The following CBFB variants were observed in gnomAD, a reference collection of about 807,000 sequenced individuals.
The protein encoded by CBFB is core-binding factor subunit beta.
Under a neutral mutation model 30.4 loss-of-function variants are expected in CBFB, and 9 were observed. The observed-to-expected ratio is 0.30, with a 90% CI of 0.18 to 0.52. CBFB has a LOEUF of 0.52. Among genes scored for constraint, CBFB ranks in the 20% least tolerant of loss-of-function variants. The pLI, the probability that CBFB is intolerant of heterozygous loss-of-function variation, is 0.97. For synonymous variants in CBFB, 94 were observed against 84.0 expected (o/e 1.12, Z -0.65); for missense variants, 170 against 244.0 (o/e 0.70, Z 2.02).
intron 3 of CBFB, among the ~76,000 whole-genome samples, chr16:67,040,939 C>T (rs1966517797): frequency 6.6e-6 from 1 of 152,084 alleles, no homozygotes; most frequent in Admixed American, 6.6e-5. Context: ...GAGTGGCACC[C>T]TGTTTTTGAT....
At chr16:67,039,786 T>A (rs777262111) in intron 3 of CBFB, among the ~76,000 whole-genome samples, 3 of 152,212 alleles carry the variant, frequency 2.0e-5, no homozygotes, top group Non-Finnish European at 4.4e-5. Context: ...CTGTCACAAC[T>A]ACTCATCTCT....
chr16:67,081,263 A>G (rs1597154745), intron 4 of CBFB, among the ~76,000 whole-genome samples: 2 of 151,868 alleles, frequency 1.3e-5, no homozygotes, highest in South Asian at 2.1e-4. Context: ...TTTACTGAGA[A>G]TGATGATTTC....
chr16:67,085,568 C>T (rs1284712216), intron 5 of CBFB, among the ~76,000 whole-genome samples: 2 of 151,804 alleles, frequency 1.3e-5, no homozygotes, highest in Non-Finnish European at 2.9e-5. Flanking sequence ...GAACATGATT[C>T]ACTGTAGCCT....
chr16:67,067,432 C>T (rs1276962500), intron 4 of CBFB, among the ~76,000 whole-genome samples: 3 of 152,100 alleles, frequency 2.0e-5, no homozygotes, highest in East Asian at 1.9e-4. Context: ...GCACGAGAAT[C>T]GCTCGAACCC....
At chr16:67,090,579 T>C (rs1961853986) in intron 5 of CBFB, among the ~76,000 whole-genome samples, 1 of 152,224 alleles carries the variant, frequency 6.6e-6, no homozygotes, top group South Asian at 2.1e-4. Context: ...AGTCTCTGTT[T>C]CCAGAGACTG....
intron 5 of CBFB, among the ~76,000 whole-genome samples, chr16:67,097,192 C>T (rs1490975261): frequency 2.0e-5 from 3 of 152,020 alleles, no homozygotes; most frequent in Non-Finnish European, 4.4e-5. Context: ...GAGATTGTGC[C>T]ACTGCACTCC....
Position 67,099,903 on chromosome 16 carries a change from G to A in CBFB, c.*1125G>A, listed in dbSNP as rs890326396. On this transcript the variant is annotated 3_prime_UTR_variant, in exon 6 of 6. Transcript: ENST00000412916. ...TGGGTGATGAAAGATTAGTTTTAGAGAGAAAATGTTCATCTGTGCAGAGGA... is the reference window on the plus strand; with the variant it reads ...TGGGTGATGAAAGATTAGTTTTAGAAAGAAAATGTTCATCTGTGCAGAGGA... 1 of 211,726 alleles carries A rather than the reference G, an allele frequency of 4.7e-6. No homozygotes were observed. The allele number at this position is 211,726 out of a possible 1,614,324, so 13.1% of individuals were successfully genotyped here.
At chr16:67,075,202 T>TAC (rs766595734) in intron 4 of CBFB, among the ~76,000 whole-genome samples, 7,236 of 135,780 alleles carry the variant, frequency 0.053, 484 homozygotes, top group African/African-American at 0.22. Flanking sequence ...AAAAAATGTG[T>TAC]GTGTGTGTGT....
chr16:67,047,839 C>T (rs531042364), intron 3 of CBFB, among the ~76,000 whole-genome samples: 4 of 152,148 alleles, frequency 2.6e-5, no homozygotes, highest in East Asian at 3.9e-4. Flanking sequence ...AAGGCCAGGG[C>T]GGGTGGATCG....
Position 67,029,724 on chromosome 16 carries a change from C to T in CBFB, c.79-3C>T, listed in dbSNP as rs564960477. ...CCTGATTTCGGGCCGTCTTGCCTTG[C>T]AGATTAAGTACACGGGCTTCAGGGA... On this transcript the variant is annotated splice_polypyrimidine_tract_variant and splice_region_variant and intron_variant, in intron 1 of 5. Coordinates refer to ENST00000412916, the MANE Select transcript of CBFB (RefSeq NM_022845.3). The T allele has an allele frequency of 1.3e-6, 2 of 1,586,572 alleles. No individual in the cohort carries two copies. The highest frequency in any genetic ancestry group is 3.5e-5 in the Admixed American group (2 of 57,376).
intron 3 of CBFB, among the ~76,000 whole-genome samples, chr16:67,052,928 G>T (rs1180708714): frequency 6.6e-6 from 1 of 150,874 alleles, no homozygotes; most frequent in Non-Finnish European, 1.5e-5. Context: ...ATACCACAGA[G>T]CAAGATGCTA....
Position 67,029,305 on chromosome 16 carries a change from C to G in CBFB, c.-103C>G. The G allele has an allele frequency of 1.3e-6, 1 of 749,680 alleles. No homozygotes were observed. The allele number at this position is 749,680 out of a possible 1,614,324, so 46.4% of individuals were successfully genotyped here. ...CCTGAAACAAAGGGAAGCGGGCGTC[C>G]GGGCGCCGCGGGTGGGCGGTCAGTC... is the stretch of plus-strand genomic sequence containing the variant. On this transcript the variant is annotated 5_prime_UTR_variant, in exon 1 of 6. Coordinates refer to ENST00000412916, the MANE Select transcript of CBFB (RefSeq NM_022845.3).
At chr16:67,044,152 T>A (rs1489463942) in intron 3 of CBFB, among the ~76,000 whole-genome samples, 1 of 152,198 alleles carries the variant, frequency 6.6e-6, no homozygotes, top group African/African-American at 2.4e-5. Flanking sequence ...GTGGTCAGAT[T>A]AATGGTTTTT....
intron 3 of CBFB, among the ~76,000 whole-genome samples, chr16:67,044,504 T>A (rs796267732): frequency 1.3e-5 from 2 of 152,222 alleles, no homozygotes; most frequent in Non-Finnish European, 2.9e-5. Flanking sequence ...TAGCTACTTT[T>A]AAAAATTTTG....
intron 5 of CBFB, among the ~76,000 whole-genome samples, chr16:67,093,058 G>C (rs1961942496): frequency 6.6e-6 from 1 of 152,068 alleles, no homozygotes; most frequent in African/African-American, 2.4e-5. Flanking sequence ...AGCAGTTCTT[G>C]CCTCAGCCTT....
intron 4 of CBFB, among the ~76,000 whole-genome samples, chr16:67,074,579 C>T (rs1276600632): frequency 6.6e-6 from 1 of 151,956 alleles, no homozygotes; most frequent in African/African-American, 2.4e-5. Context: ...GACGAGGTTT[C>T]ACCATGTTGG....
intron 3 of CBFB, among the ~76,000 whole-genome samples, chr16:67,051,802 G>GC (rs1367302499): frequency 6.7e-6 from 1 of 149,204 alleles, no homozygotes; most frequent in Admixed American, 6.7e-5. Flanking sequence ...AGGCTGGAGC[G>GC]CAGTGGCGTG....
intron 3 of CBFB, among the ~76,000 whole-genome samples, chr16:67,053,513 C>T (rs1372774847): frequency 6.6e-6 from 1 of 151,956 alleles, no homozygotes; most frequent in Non-Finnish European, 1.5e-5. Flanking sequence ...CTTCGGCCTC[C>T]CAAAGTGCTG....
chr16:67,034,477 A>C (rs1389943441), intron 2 of CBFB, among the ~76,000 whole-genome samples: 1 of 152,090 alleles, frequency 6.6e-6, no homozygotes, highest in Non-Finnish European at 1.5e-5. Context: ...ACTTTTTCCA[A>C]CTCTTACCTA....
Sources: allele counts gnomAD v4.1 joint callset (sites outside exome capture counted in the v4.1 genomes callset), GRCh38; gene constraint gnomAD v4.1.1; transcripts MANE v1.5; gene names NCBI Gene and HGNC (gene_info 2026-07-23, HGNC 2026-07-21).